Variants in PAWR observed in about 807,000 individuals in gnomAD.
PAWR encodes the protein PRKC apoptosis WT1 regulator protein.
A neutral mutation model predicts 32.0 loss-of-function variants in PAWR; 23 were observed. That is an observed-to-expected ratio of 0.72 (90% CI 0.52 to 1.02). PAWR has a LOEUF of 1.02. Ranked by LOEUF, PAWR falls within the 50% of genes least tolerant of loss-of-function variation. The pLI, the probability that PAWR is intolerant of heterozygous loss-of-function variation, is 0.00. For synonymous variants in PAWR, 226 were observed against 187.1 expected (o/e 1.21, Z -1.70); for missense variants, 457 against 437.7 (o/e 1.04, Z -0.39).
At position 79,616,251 on chromosome 12, in the gene PAWR, ACAT is replaced by A. The variant is rs373189422; in HGVS notation, c.649-2645_649-2643del. On this transcript the variant is annotated intron_variant, in intron 3 of 6. Transcript: ENST00000328827. ...CCAAAATAAAGTTCTAAAACATCACACATCATTTCTCTCACATCTGTCTCATTT... is the reference window on the plus strand; with the variant it reads ...CCAAAATAAAGTTCTAAAACATCACACATTTCTCTCACATCTGTCTCATTT... Among the ~76,000 whole-genome samples, 112 of 152,216 alleles carry A rather than the reference ACAT, an allele frequency of 7.4e-4. 1 individual carries two copies. The highest frequency in any genetic ancestry group is 2.6e-3 in the African/African-American group (107 of 41,540).
intron 2 of PAWR, among the ~76,000 whole-genome samples, chr12:79,622,483 G>C (rs944479502): frequency 2.6e-5 from 4 of 152,070 alleles, no homozygotes; most frequent in African/African-American, 9.7e-5. Flanking sequence ...ACAGGTCCCA[G>C]AGTGTGATGT....
chr12:79,592,747 T>TGAAAACAC, intron 6 of PAWR, 54 bp from the exon 7 acceptor site: 1 of 674,438 alleles, frequency 1.5e-6, no homozygotes, highest in Non-Finnish European at 2.6e-6. Flanking sequence ...TGAGGAGAGA[T>TGAAAACAC]GAAAACACTT....
chr12:79,629,885 C>T (rs765887196), intron 2 of PAWR, among the ~76,000 whole-genome samples: 67 of 151,796 alleles, frequency 4.4e-4, no homozygotes, highest in Non-Finnish European at 8.1e-4. Context: ...CAAATAATCA[C>T]GTGAAAAAAG....
intron 2 of PAWR, among the ~76,000 whole-genome samples, chr12:79,642,955 A>G (rs1876399420): frequency 6.6e-6 from 1 of 152,236 alleles, no homozygotes; most frequent in Admixed American, 6.5e-5. Context: ...TGAGACTAAA[A>G]TTAATTACTA....
rs554234274 is a variant in PAWR, at chr12:79,664,131, T to A, written c.516+25598A>T. Among the ~76,000 whole-genome samples the A allele has an allele frequency of 2.3e-3, 343 of 152,298 alleles. 1 individual carries two copies. Among genetic ancestry groups the A allele is most frequent in the African/African-American group, 8.0e-3 (334 of 41,564 alleles). Reference sequence around the variant, plus strand: ...GAAATGTGGGATTATTTATCACTATTCATAAAGGATTATTTTCTTAAAAGA... The same window carrying A: ...GAAATGTGGGATTATTTATCACTATACATAAAGGATTATTTTCTTAAAAGA... On this transcript the variant is annotated intron_variant, in intron 2 of 6. Transcript: ENST00000328827.
intron 2 of PAWR, among the ~76,000 whole-genome samples, chr12:79,636,011 T>C (rs771829435): frequency 1.3e-5 from 2 of 152,090 alleles, no homozygotes; most frequent in Non-Finnish European, 2.9e-5. Flanking sequence ...ACAAAAAAAA[T>C]CAGCCAATCA....
chr12:79,688,053 G>A (rs541839474), intron 2 of PAWR, among the ~76,000 whole-genome samples: 2 of 152,156 alleles, frequency 1.3e-5, no homozygotes, highest in East Asian at 3.9e-4. Context: ...TTTAGGAGTT[G>A]CCAACACCCA....
chr12:79,690,149 G>T lies in PAWR; in HGVS notation c.96C>A (p.Ala32=). ...EWKAKREKMR[A]KQNPPGPAPP... is the part of the protein sequence containing the mutation. ...GGGCCGGGCCCGGGGGGTTCTGCTT[G>T]GCGCGCATCTTCTCGCGTTTCGCCT... Residue 32 remains alanine, a synonymous_variant, in exon 2 of 7, where the codon GCC becomes GCA. Transcript: ENST00000328827. 1.3e-6 allele frequency: 2 copies of T among 1,525,264 alleles called. No individual in the cohort carries two copies. Among genetic ancestry groups the T allele is most frequent in the Non-Finnish European group, 1.8e-6 (2 of 1,139,352 alleles). The allele number at this position is 1,525,264 out of a possible 1,614,324, so 94.5% of individuals were successfully genotyped here. A position where few individuals can be genotyped will look rare whatever the true frequency, so the allele number is the denominator to read the frequency against.
Position 79,679,075 on chromosome 12 carries a change from T to A in PAWR, c.516+10654A>T, listed in dbSNP as rs1292617330. On this transcript the variant is annotated intron_variant, in intron 2 of 6. Transcript: ENST00000328827. The stretch of plus-strand genomic sequence containing the variant: ...ACTGTGCCCGGCCCATGGCCCCCTT[T>A]TCTGTGCTAGTTCAGTACTTTGCTC... Among the ~76,000 whole-genome samples, 4 of 152,302 alleles carry A rather than the reference T, an allele frequency of 2.6e-5. 1 individual carries two copies. The highest frequency in any genetic ancestry group is 5.9e-5 in the Non-Finnish European group (4 of 68,024).
chr12:79,677,618 G>T (rs1365282837), intron 2 of PAWR, among the ~76,000 whole-genome samples: 1 of 152,090 alleles, frequency 6.6e-6, no homozygotes, highest in African/African-American at 2.4e-5. Flanking sequence ...TCCTAGATTT[G>T]CTATTTTATT....
chr12:79,674,728 G>A (rs769773133), intron 2 of PAWR, among the ~76,000 whole-genome samples: 10 of 151,758 alleles, frequency 6.6e-5, no homozygotes, highest in African/African-American at 1.2e-4. Context: ...AAAAATGACC[G>A]CATTAAAAAG....
intron 4 of PAWR, among the ~76,000 whole-genome samples, chr12:79,600,434 G>C (rs994725241): frequency 8.8e-5 from 13 of 147,610 alleles, no homozygotes; most frequent in African/African-American, 3.2e-4. Flanking sequence ...GAAGAAGTGT[G>C]ATTAAAATTA....
chr12:79,623,046 C>A (rs903438683), intron 2 of PAWR, among the ~76,000 whole-genome samples: 4 of 152,072 alleles, frequency 2.6e-5, no homozygotes, highest in African/African-American at 7.2e-5. Context: ...GATCAAAATT[C>A]TTTTTGGGAA....
chr12:79,679,669 G>A (rs1266784249), intron 2 of PAWR, among the ~76,000 whole-genome samples: 1 of 152,144 alleles, frequency 6.6e-6, no homozygotes, highest in Non-Finnish European at 1.5e-5. Flanking sequence ...GAGCAGTGGG[G>A]GATATGCTAG....
chr12:79,612,117 T>A (rs980668224), intron 4 of PAWR, among the ~76,000 whole-genome samples: 2 of 152,184 alleles, frequency 1.3e-5, no homozygotes, highest in African/African-American at 4.8e-5. Flanking sequence ...CAAGGCTATT[T>A]CATAATTATT....
At chr12:79,593,867 TA>T (rs1440225651) in intron 6 of PAWR, among the ~76,000 whole-genome samples, 2 of 151,576 alleles carry the variant, frequency 1.3e-5, no homozygotes, top group Admixed American at 1.3e-4. Context: ...CATGCCCAGC[TA>T]ATTTTTCATA....
At chr12:79,660,430 T>C (rs996445128) in intron 2 of PAWR, among the ~76,000 whole-genome samples, 3 of 152,154 alleles carry the variant, frequency 2.0e-5, no homozygotes, top group East Asian at 1.9e-4. Flanking sequence ...AAGTGTGTTA[T>C]AAGAAGCCTT....
chr12:79,644,234 TAAGA>T (rs1232274676), intron 2 of PAWR, among the ~76,000 whole-genome samples: 6 of 152,140 alleles, frequency 3.9e-5, no homozygotes, highest in Non-Finnish European at 7.4e-5. Flanking sequence ...AAGACTTTTA[TAAGA>T]AAGACAGAAA....
At chr12:79,672,721 A>G (rs1592549448) in intron 2 of PAWR, among the ~76,000 whole-genome samples, 2 of 150,872 alleles carry the variant, frequency 1.3e-5, no homozygotes, top group Non-Finnish European at 3.0e-5. Flanking sequence ...TGAATGTATC[A>G]CCAAAAAAAA....
Sources: gnomAD v4.1 joint callset for allele counts (sites outside exome capture counted in the v4.1 genomes callset) on GRCh38, gnomAD v4.1.1 for gene constraint, MANE v1.5 for transcripts, NCBI Gene and HGNC (gene_info 2026-07-23, HGNC 2026-07-21) for gene names.